The following TMEM117 variants were observed in gnomAD, a reference collection of about 807,000 sequenced individuals.
TMEM117 encodes the protein transmembrane protein 117.
In TMEM117, 27 loss-of-function variants were observed where a neutral mutation model predicts 52.4. That is an observed-to-expected ratio of 0.51 (90% confidence interval 0.38 to 0.71). The LOEUF is 0.71. Ranked by LOEUF, TMEM117 falls within the 30% of genes least tolerant of loss-of-function variation. TMEM117 has a pLI of 0.00. For synonymous variants in TMEM117, 215 were observed against 206.3 expected, an observed-to-expected ratio of 1.04 and a Z score of -0.36; for missense variants, 556 against 630.5, an observed-to-expected ratio of 0.88 and a Z score of 1.26.
At chr12:43,829,883 T>A in the TMEM117 span, among the ~76,000 whole-genome samples, 1 of 151,296 alleles carries the variant, frequency 6.6e-6, no homozygotes, top group East Asian at 2.0e-4. Context: ...AGGTCAGGAG[T>A]TTGAGACCAG....
At chr12:44,330,013 T>A (rs971179781) in intron 6 of TMEM117, among the ~76,000 whole-genome samples, 1 of 151,390 alleles carries the variant, frequency 6.6e-6, no homozygotes, top group Non-Finnish European at 1.5e-5. Flanking sequence ...CTTTCAGGGG[T>A]TTTTTTGGAA....
intron 5 of TMEM117, among the ~76,000 whole-genome samples, chr12:44,294,131 C>T (rs780659392): frequency 6.6e-6 from 1 of 152,128 alleles, no homozygotes; most frequent in Non-Finnish European, 1.5e-5. Context: ...ATTCCACTCT[C>T]TCCTGGTTTT....
chr12:44,170,553 T>C (rs1949031420), intron 4 of TMEM117, among the ~76,000 whole-genome samples: 1 of 152,206 alleles, frequency 6.6e-6, no homozygotes, highest in Non-Finnish European at 1.5e-5. Context: ...CCTCCAACTT[T>C]ATTTTTCTTT....
chr12:44,034,020 T>G (rs1378870889), intron 3 of TMEM117, among the ~76,000 whole-genome samples: 1 of 152,228 alleles, frequency 6.6e-6, no homozygotes, highest in Non-Finnish European at 1.5e-5. Flanking sequence ...ATCATGTATA[T>G]CATTCTTGTG....
intron 2 of TMEM117, among the ~76,000 whole-genome samples, chr12:43,877,890 AACACACACAC>A (rs369405497): frequency 1.4e-4 from 20 of 143,104 alleles, no homozygotes; most frequent in Middle Eastern, 3.5e-3. Flanking sequence ...GTAAAAACAA[AACACACACAC>A]ACACACACAC....
At chr12:44,321,243 A>G (rs1951125517) in intron 6 of TMEM117, among the ~76,000 whole-genome samples, 1 of 152,196 alleles carries the variant, frequency 6.6e-6, no homozygotes, top group Non-Finnish European at 1.5e-5. Context: ...ACAAAGCACA[A>G]TCATCATAGA....
intron 4 of TMEM117, among the ~76,000 whole-genome samples, chr12:44,206,311 C>T (rs1408919481): frequency 2.0e-5 from 3 of 152,096 alleles, no homozygotes; most frequent in Admixed American, 6.6e-5. Context: ...CCTGGGTGGG[C>T]CAGGTTTTCC....
intron 3 of TMEM117, among the ~76,000 whole-genome samples, chr12:44,076,428 A>C (rs1947383423): frequency 6.6e-6 from 1 of 152,208 alleles, no homozygotes. Flanking sequence ...CAAGGAAGAA[A>C]CAATCTTTAA....
intron 7 of TMEM117, among the ~76,000 whole-genome samples, chr12:44,379,871 T>A (rs1216132808): frequency 1.3e-5 from 2 of 152,194 alleles, no homozygotes; most frequent in African/African-American, 4.8e-5. Flanking sequence ...CTGGGGTTAT[T>A]AAGCATAAAA....
chr12:44,283,034 G>A (rs1644012), intron 5 of TMEM117, among the ~76,000 whole-genome samples: 39,179 of 152,252 alleles, frequency 0.26, 8,291 homozygotes, highest in African/African-American at 0.59. Context: ...CTCCCACGTG[G>A]TGTGGAGCCT....
At chr12:43,963,136 T>C (rs1945430926) in intron 3 of TMEM117, among the ~76,000 whole-genome samples, 1 of 151,360 alleles carries the variant, frequency 6.6e-6, no homozygotes, top group Non-Finnish European at 1.5e-5. Flanking sequence ...TTAAATATGG[T>C]TAATACAGCT....
At chr12:44,090,629 G>A (rs1355499994) in intron 3 of TMEM117, among the ~76,000 whole-genome samples, 1 of 151,492 alleles carries the variant, frequency 6.6e-6, no homozygotes, top group Non-Finnish European at 1.5e-5. Flanking sequence ...TAGAGATGCA[G>A]TTTCACCATG....
intron 3 of TMEM117, among the ~76,000 whole-genome samples, chr12:43,952,043 AG>A (rs1166740002): frequency 6.6e-6 from 1 of 152,068 alleles, no homozygotes; most frequent in African/African-American, 2.4e-5. Context: ...CCTGCAGAAG[AG>A]GGGCCTGACT....
Position 44,388,134 on chromosome 12 carries a change from C to T in TMEM117, c.1007C>T (p.Pro336Leu), listed in dbSNP as rs141562455. ...KPHEYGQYIG[P>L]GQKIYTVKDS... The stretch of plus-strand genomic sequence containing the variant: ...CATGAATATGGGCAATATATCGGCC[C>T]GGGGCAGAAGATATATACAGTGAAA... The change falls in exon 8 of 8, where the codon CCG (proline) becomes CTG (leucine). Residue 336 changes from proline (P) to leucine (L), a missense_variant. By Grantham distance (98) the Pro-to-Leu change is moderately conservative. Coordinates refer to ENST00000266534, the MANE Select transcript of TMEM117 (RefSeq NM_032256.3). The T allele has an allele frequency of 2.9e-4, 472 of 1,612,886 alleles. 1 individual carries two copies. The highest frequency in any genetic ancestry group is 1.0e-3 in the South Asian group (93 of 91,050).
chr12:44,148,878 A>T (rs1006910908), intron 4 of TMEM117, among the ~76,000 whole-genome samples: 1 of 152,170 alleles, frequency 6.6e-6, no homozygotes, highest in Non-Finnish European at 1.5e-5. Flanking sequence ...GTGACTTATT[A>T]TTGTAAAATG....
intron 3 of TMEM117, among the ~76,000 whole-genome samples, chr12:44,054,944 A>G (rs1447714910): frequency 6.6e-6 from 1 of 152,020 alleles, no homozygotes; most frequent in Non-Finnish European, 1.5e-5. Flanking sequence ...ATTCTAAAAG[A>G]ATGTCCATGT....
chr12:44,181,031 T>C (rs911143920), intron 4 of TMEM117, among the ~76,000 whole-genome samples: 4 of 152,338 alleles, frequency 2.6e-5, no homozygotes, highest in African/African-American at 7.2e-5. Context: ...CCTGACTTTT[T>C]AATGATTGCC....
intron 2 of TMEM117, among the ~76,000 whole-genome samples, chr12:43,855,526 A>T (rs1025920100): frequency 3.9e-5 from 6 of 152,230 alleles, no homozygotes; most frequent in Admixed American, 3.9e-4. Flanking sequence ...TACATGCTAA[A>T]GATGTACTTT....
At position 43,864,552 on chromosome 12, in the gene TMEM117, C is replaced by T. The variant is rs372118917; in HGVS notation, c.277+19624C>T. Among the ~76,000 whole-genome samples the T allele has an allele frequency of 2.0e-3, 301 of 152,240 alleles. 1 individual carries two copies. The highest frequency in any genetic ancestry group is 6.4e-3 in the African/African-American group (264 of 41,528). ...AGGTTTGTAAATACACCAATCAGCA[C>T]TCTGTGTCTAGCTCAGGGTTCGTAA... On this transcript the variant is annotated intron_variant, in intron 2 of 7. Transcript: ENST00000266534.
Sources: gnomAD v4.1 joint callset for allele counts (sites outside exome capture counted in the v4.1 genomes callset) on GRCh38, gnomAD v4.1.1 for gene constraint, MANE v1.5 for transcripts, NCBI Gene and HGNC (gene_info 2026-07-23, HGNC 2026-07-21) for gene names.